The following GRM8 variants were observed in gnomAD, a reference collection of about 807,000 sequenced individuals.
The protein encoded by GRM8 is metabotropic glutamate receptor 8.
GRM8 carries 47 observed loss-of-function variants against 87.2 expected under a neutral mutation model. The observed-to-expected ratio is 0.54, with a 90% CI of 0.43 to 0.69. The LOEUF is 0.69. Among genes scored for constraint, GRM8 ranks in the 30% least tolerant of loss-of-function variants. GRM8 has a pLI of 0.00. For synonymous variants in GRM8, 396 were observed against 404.5 expected (o/e 0.98, Z 0.25); for missense variants, 1,019 against 1,139.2 (o/e 0.89, Z 1.52).
At chr7:126,668,090 G>A (rs2151298313) in intron 7 of GRM8, among the ~76,000 whole-genome samples, 1 of 152,210 alleles carries the variant, frequency 6.6e-6, no homozygotes, top group African/African-American at 2.4e-5. Flanking sequence ...GCAGCGGTGA[G>A]GAGCCGGGCT....
At chr7:126,961,371 A>T (rs1474020564) in intron 3 of GRM8, among the ~76,000 whole-genome samples, 1 of 152,232 alleles carries the variant, frequency 6.6e-6, no homozygotes, top group Non-Finnish European at 1.5e-5. Context: ...CCCTTTGCTT[A>T]ATTTATCATT....
At chr7:126,514,370 G>T (rs1010825720) in intron 9 of GRM8, among the ~76,000 whole-genome samples, 5 of 152,048 alleles carry the variant, frequency 3.3e-5, no homozygotes, top group Non-Finnish European at 7.4e-5. Context: ...TAAACAATTT[G>T]GACTTTGGAG....
chr7:126,551,046 CATAAT>C (rs1368033817), intron 8 of GRM8, among the ~76,000 whole-genome samples: 1 of 151,564 alleles, frequency 6.6e-6, no homozygotes, highest in Non-Finnish European at 1.5e-5. Context: ...AATAATATAA[CATAAT>C]ATAATATTGC....
chr7:126,869,983 T>C (rs1175114866), intron 6 of GRM8: 2 of 146,650 alleles, frequency 1.4e-5, no homozygotes, highest in Admixed American at 6.8e-5. Flanking sequence ...AATCTTCTTC[T>C]ACATTGAAAA....
intron 3 of GRM8, among the ~76,000 whole-genome samples, chr7:126,935,407 G>T (rs1806210116): frequency 1.3e-5 from 2 of 152,168 alleles, no homozygotes; most frequent in Admixed American, 6.5e-5. Context: ...AGATACCATG[G>T]TAGAGTCTGC....
intron 6 of GRM8, among the ~76,000 whole-genome samples, chr7:126,771,397 T>C (rs898572617): frequency 2.0e-5 from 3 of 152,014 alleles, no homozygotes; most frequent in Admixed American, 6.6e-5. Context: ...CTGTGGTCTG[T>C]CATGATGCTG....
At chr7:126,523,610 G>T (rs1035411714) in intron 9 of GRM8, among the ~76,000 whole-genome samples, 9 of 150,984 alleles carry the variant, frequency 6.0e-5, no homozygotes, top group African/African-American at 9.8e-5. Flanking sequence ...TTATTCTCCT[G>T]CCTCAGGCTT....
chr7:126,819,500 C>T (rs1282724330), intron 6 of GRM8, among the ~76,000 whole-genome samples: 3 of 152,118 alleles, frequency 2.0e-5, no homozygotes, highest in African/African-American at 7.2e-5. Flanking sequence ...TAGTCTTCAT[C>T]ATATTAATCT....
chr7:126,448,456 G>T (rs903508301), intron 9 of GRM8, among the ~76,000 whole-genome samples: 6 of 151,706 alleles, frequency 4.0e-5, no homozygotes, highest in African/African-American at 1.5e-4. Context: ...TCTCTTATTT[G>T]GAATAATTTC....
At chr7:126,480,464 T>G (rs907427006) in intron 9 of GRM8, among the ~76,000 whole-genome samples, 4 of 152,110 alleles carry the variant, frequency 2.6e-5, no homozygotes, top group Non-Finnish European at 5.9e-5. Context: ...AAATCAGTTG[T>G]ACACAAAAAC....
intron 3 of GRM8, among the ~76,000 whole-genome samples, chr7:127,097,869 A>G (rs1034469254): frequency 9.9e-5 from 15 of 152,242 alleles, no homozygotes; most frequent in African/African-American, 3.1e-4. Context: ...CTACAGCATT[A>G]GAATCATAGG....
intron 7 of GRM8, among the ~76,000 whole-genome samples, chr7:126,691,459 G>A (rs141255560): frequency 1.6e-4 from 24 of 152,280 alleles, no homozygotes; most frequent in Non-Finnish European, 2.1e-4. Context: ...GGTCGCTGCA[G>A]TGGTGCCTGG....
chr7:126,753,993 A>C (rs890231635), intron 7 of GRM8, among the ~76,000 whole-genome samples: 11 of 152,034 alleles, frequency 7.2e-5, no homozygotes, highest in African/African-American at 2.6e-4. Context: ...CTTGTCTACA[A>C]AGAGAAATAC....
intron 9 of GRM8, among the ~76,000 whole-genome samples, chr7:126,468,337 T>C (rs1804748734): frequency 6.6e-6 from 1 of 152,098 alleles, no homozygotes; most frequent in African/African-American, 2.4e-5. Context: ...ACATGTACAT[T>C]GATAGTCCAC....
intron 2 of GRM8, among the ~76,000 whole-genome samples, chr7:127,164,763 C>T (rs986554796): frequency 6.6e-6 from 1 of 151,994 alleles, no homozygotes; most frequent in Non-Finnish European, 1.5e-5. Context: ...GCTTGTTTCA[C>T]CTCTCCTTTA....
chr7:126,949,379 A>G (rs1807892385), intron 3 of GRM8, among the ~76,000 whole-genome samples: 1 of 151,996 alleles, frequency 6.6e-6, no homozygotes, highest in Admixed American at 6.6e-5. Context: ...TATTTAGGTT[A>G]AGATAAATAA....
At chr7:127,033,631 G>A (rs1817590490) in intron 3 of GRM8, among the ~76,000 whole-genome samples, 1 of 152,010 alleles carries the variant, frequency 6.6e-6, no homozygotes, top group Non-Finnish European at 1.5e-5. Context: ...TGGAAAGCTG[G>A]GTTCTTTCTC....
chr7:126,641,577 T>A (rs1354650615), intron 7 of GRM8, among the ~76,000 whole-genome samples: 1 of 152,250 alleles, frequency 6.6e-6, no homozygotes, highest in African/African-American at 2.4e-5. Context: ...ACTGTTTTGT[T>A]CCAGCTACCA....
At chr7:126,985,900 A>G (rs1812008300) in intron 3 of GRM8, among the ~76,000 whole-genome samples, 1 of 152,270 alleles carries the variant, frequency 6.6e-6, no homozygotes, top group Admixed American at 6.5e-5. Context: ...CATTTAAATC[A>G]TAGCAGTAAC....
Sources: gnomAD v4.1 joint callset for allele counts (sites outside exome capture counted in the v4.1 genomes callset) on GRCh38, gnomAD v4.1.1 for gene constraint, MANE v1.5 for transcripts, NCBI Gene and HGNC (gene_info 2026-07-23, HGNC 2026-07-21) for gene names.